Variants in GYS2 observed in about 807,000 individuals in gnomAD.
The protein encoded by GYS2 is glycogen [starch] synthase, liver.
Under a neutral mutation model 85.6 loss-of-function variants are expected in GYS2, and 80 were observed. That is an observed-to-expected ratio of 0.93 (90% confidence interval 0.78 to 1.13). The LOEUF (loss-of-function observed/expected upper bound fraction) is 1.13, where lower values mean the gene tolerates loss of function less well. GYS2 is among the 50% of genes most tolerant of loss of function. The pLI is 0.00. For synonymous variants in GYS2, 328 were observed against 300.7 expected, an observed-to-expected ratio of 1.09 and a Z score of -0.94; for missense variants, 881 against 854.9, an observed-to-expected ratio of 1.03 and a Z score of -0.38.
At chr12:21,597,671 C>T (rs893013869) in intron 1 of GYS2, among the ~76,000 whole-genome samples, 2 of 152,008 alleles carry the variant, frequency 1.3e-5, no homozygotes, top group East Asian at 3.9e-4. Flanking sequence ...ATTGAACTAT[C>T]ATAAGATCCA....
chr12:21,560,241 C>T, intron 8 of GYS2, 145 bp downstream of exon 8: 1 of 653,804 alleles, frequency 1.5e-6, no homozygotes, highest in Non-Finnish European at 2.8e-6. Flanking sequence ...AAAATAGTAG[C>T]ACGATGAAAA....
intron 11 of GYS2, among the ~76,000 whole-genome samples, chr12:21,554,567 T>TA (rs34915000): frequency 0.72 from 110,148 of 152,066 alleles, 40,439 homozygotes; most frequent in South Asian, 0.79. Flanking sequence ...ATAACATTTT[T>TA]AAAACACAAT....
At chr12:21,564,613 C>G (rs1247175798) in intron 5 of GYS2, among the ~76,000 whole-genome samples, 1 of 152,062 alleles carries the variant, frequency 6.6e-6, no homozygotes, top group Non-Finnish European at 1.5e-5. Context: ...ACAGTAGAAT[C>G]AATTTTAAGT....
intron 1 of GYS2, among the ~76,000 whole-genome samples, chr12:21,595,243 T>A (rs534579352): frequency 6.6e-6 from 1 of 152,310 alleles, no homozygotes; most frequent in Admixed American, 6.5e-5. Context: ...GCAGATAGAC[T>A]GCAAGAACAA....
Position 21,574,299 on chromosome 12 carries a change from CAT to C in GYS2, c.521_522del (p.Tyr174CysfsTer7), listed in dbSNP as rs774172199. On this transcript the variant is annotated frameshift_variant, in exon 4 of 16. Transcript: ENST00000261195. LOFTEE classifies it high-confidence loss of function. ...TGCCATTCATGGAATTGGGCAACGA[CAT>C]ATTTACCATCTGCATGATCTGTCAC... is the stretch of plus-strand genomic sequence containing the variant. Reference protein sequence around the residue: ...KEVTDHADGKYVVAQFHEWQA... With the variant: ...KEVTDHADGKXVVAQFHEWQA... The C allele has an allele frequency of 1.2e-6, 2 of 1,613,490 alleles. No individual in the cohort carries two copies. The highest frequency in any genetic ancestry group is 1.7e-6 in the Non-Finnish European group (2 of 1,179,648).
At chr12:21,587,897 TGC>T (rs1944591935) in intron 1 of GYS2, among the ~76,000 whole-genome samples, 1 of 151,940 alleles carries the variant, frequency 6.6e-6, no homozygotes, top group African/African-American at 2.4e-5. Flanking sequence ...GAGTAGAGTG[TGC>T]AAGGAAAGAG....
At chr12:21,569,140 A>G (rs923568663) in intron 4 of GYS2, 131 bp from the exon 5 acceptor site, 11 of 827,608 alleles carry the variant, frequency 1.3e-5, no homozygotes, top group Non-Finnish European at 2.2e-5. Flanking sequence ...AAAAAGTAAT[A>G]AAAACTTGAA....
At chr12:21,600,298 T>C (rs1944741401) in intron 1 of GYS2, among the ~76,000 whole-genome samples, 1 of 152,034 alleles carries the variant, frequency 6.6e-6, no homozygotes. Flanking sequence ...AGAGAAATTT[T>C]TTAAATTTCT....
At position 21,549,638 on chromosome 12, in the gene GYS2, G is replaced by A. The variant is rs150307809; in HGVS notation, c.1423-3168C>T. 1.4e-3 allele frequency among the ~76,000 whole-genome samples: 219 copies of A among 152,228 alleles called. 1 individual carries two copies. The highest frequency in any genetic ancestry group is 0.01 in the East Asian group (53 of 5,178). ...CTTTTCTGACTTTGGTATTTTTGAA[G>A]ACTATATTTATTTTGATGTATGTCC... On this transcript the variant is annotated intron_variant, in intron 11 of 15. Transcript: ENST00000261195.
At chr12:21,594,989 T>C (rs1356027013) in intron 1 of GYS2, among the ~76,000 whole-genome samples, 1 of 152,084 alleles carries the variant, frequency 6.6e-6, no homozygotes, top group South Asian at 2.1e-4. Context: ...AGAATATACA[T>C]TGAGGAAAGG....
intron 1 of GYS2, among the ~76,000 whole-genome samples, chr12:21,597,787 T>C (rs1032855634): frequency 6.6e-6 from 1 of 152,138 alleles, no homozygotes; most frequent in Non-Finnish European, 1.5e-5. Context: ...AGCAAAGATA[T>C]GGAATCAACC....
intron 15 of GYS2, 107 bp from the exon 16 acceptor site, chr12:21,537,282 T>G: frequency 1.3e-6 from 1 of 795,060 alleles, no homozygotes; most frequent in Non-Finnish European, 2.2e-6. Flanking sequence ...ATCTATCTTT[T>G]GTAGTCTGGG....
chr12:21,588,450 T>C (rs1944597945), intron 1 of GYS2, among the ~76,000 whole-genome samples: 1 of 152,248 alleles, frequency 6.6e-6, no homozygotes, highest in African/African-American at 2.4e-5. Flanking sequence ...GATGCTATTA[T>C]ATGGTACCAA....
At chr12:21,547,877 G>C (rs1327138430) in intron 11 of GYS2, among the ~76,000 whole-genome samples, 1 of 152,130 alleles carries the variant, frequency 6.6e-6, no homozygotes, top group East Asian at 1.9e-4. Flanking sequence ...AATGGACACT[G>C]TACTTTCTGT....
intron 5 of GYS2, 124 bp from the exon 6 acceptor site, chr12:21,563,469 A>C (rs940423255): frequency 1.1e-5 from 7 of 627,384 alleles, no homozygotes; most frequent in African/African-American, 9.3e-5. Context: ...TGACTACCAT[A>C]AAATTTAAAA....
chr12:21,567,652 G>C (rs1004267616), intron 5 of GYS2, among the ~76,000 whole-genome samples: 1 of 151,830 alleles, frequency 6.6e-6, no homozygotes, highest in African/African-American at 2.4e-5. Context: ...TATTAATTAG[G>C]ATGATTTCGT....
At position 21,537,012 on chromosome 12, in the gene GYS2, A is replaced by G. The variant is rs117474773; in HGVS notation, c.2054T>C (p.Phe685Ser). ...ERDRLNIKSPFSLSHVPHGKK... is the reference protein window; with the variant it reads ...ERDRLNIKSPSSLSHVPHGKK... ...CCCATGAGGAACGTGGCTCAGTGAAAATGGTGACTTGATATTTAACCGATC... is the reference window on the plus strand; with the variant it reads ...CCCATGAGGAACGTGGCTCAGTGAAGATGGTGACTTGATATTTAACCGATC... The change falls in exon 16 of 16, where the codon TTT becomes TCT. Residue 685 changes from phenylalanine to serine, a missense_variant. By Grantham distance (155) the Phe-to-Ser change is radical. Coordinates refer to ENST00000261195, the MANE Select transcript of GYS2 (RefSeq NM_021957.4). 6.5e-3 allele frequency: 10,549 copies of G among 1,613,986 alleles called. 31 individuals are homozygous for G. Among genetic ancestry groups the G allele is most frequent in the Non-Finnish European group, 8.3e-3 (9,791 of 1,179,912 alleles).
At chr12:21,572,691 T>A (rs117301190) in intron 4 of GYS2, among the ~76,000 whole-genome samples, 1 of 152,314 alleles carries the variant, frequency 6.6e-6, no homozygotes, top group African/African-American at 2.4e-5. Flanking sequence ...AAAGACAGTA[T>A]GAAAAATACT....
chr12:21,604,768 G>A lies in GYS2; in HGVS notation c.-176C>T, dbSNP rs1944788862. On this transcript the variant is annotated 5_prime_UTR_variant, in exon 1 of 16. Coordinates refer to ENST00000261195, the MANE Select transcript of GYS2 (RefSeq NM_021957.4). ...TTATGTGCTTCCCACAGAATTCCTG[G>A]TGGAAGGAGGAATTCTTCCTCCTCT... is the stretch of plus-strand genomic sequence containing the variant. The A allele has an allele frequency of 1.4e-6, 2 of 1,410,272 alleles. No homozygotes were observed. The allele number at this position is 1,410,272 out of a possible 1,614,324, so 87.4% of individuals were successfully genotyped here. A position where few individuals can be genotyped will look rare whatever the true frequency, so the allele number is the denominator to read the frequency against.
Sources: gnomAD v4.1 joint callset for allele counts (sites outside exome capture counted in the v4.1 genomes callset) on GRCh38, gnomAD v4.1.1 for gene constraint, MANE v1.5 for transcripts, NCBI Gene and HGNC (gene_info 2026-07-23, HGNC 2026-07-21) for gene names.